Variants in DRC3 observed in about 807,000 individuals in gnomAD.
DRC3 encodes the protein dynein regulatory complex subunit 3.
In DRC3, 45 loss-of-function variants were observed where a neutral mutation model predicts 57.6. The ratio of observed to expected loss-of-function variants is 0.78; its 90% CI spans 0.62 to 1.00. DRC3 has a LOEUF of 1.00. Among genes scored for constraint, DRC3 ranks in the 50% least tolerant of loss-of-function variants. The probability of loss-of-function intolerance (pLI) is 0.00; values close to 1 mark genes in which losing one functional copy is unlikely to be tolerated. For missense variants in DRC3, 655 were observed against 675.2 expected (o/e 0.97, Z 0.33); for synonymous variants, 257 against 272.3 (o/e 0.94, Z 0.55).
Position 17,983,824 on chromosome 17 carries a change from T to A in DRC3, c.161-4T>A. The A allele has an allele frequency of 6.2e-7, 1 of 1,606,010 alleles. No homozygotes were observed. The highest frequency in any genetic ancestry group is 8.5e-7 in the Non-Finnish European group (1 of 1,173,242). On this transcript the variant is annotated splice_polypyrimidine_tract_variant and splice_region_variant and intron_variant, in intron 3 of 13. Transcript: ENST00000399187. ...GAGACTGAAATCACCTTCCATTATT[T>A]CAGACATCCTCCGCATAGACAACCT...
intron 2 of DRC3, among the ~76,000 whole-genome samples, chr17:17,976,709 A>C (rs933802166): frequency 6.6e-6 from 1 of 152,008 alleles, no homozygotes; most frequent in Admixed American, 6.6e-5. Context: ...AAAATAACCT[A>C]CTGGAGCTAG....
chr17:18,000,341 A>C (rs2043672612), intron 9 of DRC3, among the ~76,000 whole-genome samples: 1 of 130,644 alleles, frequency 7.7e-6, no homozygotes, highest in Non-Finnish European at 1.6e-5. Flanking sequence ...CCTGTTCTGT[A>C]CTTTGCTTTC....
intron 6 of DRC3, chr17:17,994,031 G>C: frequency 2.5e-6 from 1 of 392,808 alleles, no homozygotes. Context: ...CCCTGGAGAT[G>C]GCCCCGGGAA....
intron 10 of DRC3, chr17:18,005,933 T>C (rs1313288900): frequency 6.0e-6 from 3 of 497,992 alleles, no homozygotes; most frequent in African/African-American, 5.8e-5. Flanking sequence ...AGGACAAGTG[T>C]TCCTGGCAAA....
intron 4 of DRC3, among the ~76,000 whole-genome samples, chr17:17,986,302 A>ATGATGCTATCT (rs983242799): frequency 2.0e-5 from 3 of 152,178 alleles, no homozygotes; most frequent in African/African-American, 7.2e-5. Flanking sequence ...TAAAATGGGG[A>ATGATGCTATCT]TGATGCTATC....
intron 3 of DRC3, chr17:17,981,332 A>ATC (rs2042673708): frequency 8.3e-6 from 2 of 241,852 alleles, no homozygotes; most frequent in Non-Finnish European, 1.9e-5. Flanking sequence ...CAGACGGGAC[A>ATC]GCCTCTCATG....
intron 11 of DRC3, 80 bp downstream of exon 11, chr17:18,006,333 T>C: frequency 2.9e-6 from 3 of 1,048,302 alleles, no homozygotes; most frequent in Non-Finnish European, 4.4e-6. Context: ...GACAAAAGAA[T>C]GTTCCACAGG....
At chr17:17,979,920 T>C (rs1282739106) in intron 3 of DRC3, among the ~76,000 whole-genome samples, 2 of 149,656 alleles carry the variant, frequency 1.3e-5, no homozygotes, top group Non-Finnish European at 1.5e-5. Flanking sequence ...GGAGAGGCAC[T>C]ACGCAGCAAT....
At chr17:18,009,617 C>G (rs2044100447) in intron 12 of DRC3, among the ~76,000 whole-genome samples, 1 of 152,142 alleles carries the variant, frequency 6.6e-6, no homozygotes, top group East Asian at 1.9e-4. Flanking sequence ...CAGCTTATAA[C>G]AGATAGGGTT....
chr17:17,979,539 G>A (rs1466801951), intron 3 of DRC3, among the ~76,000 whole-genome samples: 1 of 152,176 alleles, frequency 6.6e-6, no homozygotes, highest in Non-Finnish European at 1.5e-5. Context: ...GGCTTTTTTT[G>A]GCAGTCCTGT....
At chr17:17,987,146 T>G (rs2042997274) in intron 4 of DRC3, among the ~76,000 whole-genome samples, 1 of 129,120 alleles carries the variant, frequency 7.7e-6, no homozygotes, top group Non-Finnish European at 1.5e-5. Context: ...ACCCAGGAGG[T>G]CAAGGATGCA....
chr17:17,986,397 C>T (rs2042957750), intron 4 of DRC3, among the ~76,000 whole-genome samples: 1 of 151,478 alleles, frequency 6.6e-6, no homozygotes, highest in African/African-American at 2.4e-5. Flanking sequence ...TCAATGTCAA[C>T]AGGTGAGCAT....
intron 12 of DRC3, chr17:18,011,703 C>A: frequency 4.8e-6 from 1 of 208,846 alleles, no homozygotes; most frequent in East Asian, 1.1e-4. Context: ...GCTACCTGCC[C>A]CCTGACCTCT....
At chr17:17,987,245 G>T in intron 4 of DRC3, among the ~76,000 whole-genome samples, 1 of 148,196 alleles carries the variant, frequency 6.7e-6, no homozygotes, top group African/African-American at 2.5e-5. Flanking sequence ...AAAAAGGAAG[G>T]TACTTTTATT....
chr17:17,993,270 G>C (rs1247167932), intron 6 of DRC3: 3 of 191,114 alleles, frequency 1.6e-5, no homozygotes, highest in East Asian at 1.4e-4. Context: ...AGGATCGCTT[G>C]AGCCAAGGAG....
chr17:17,980,949 A>G (rs141513078), intron 3 of DRC3, among the ~76,000 whole-genome samples: 1 of 152,244 alleles, frequency 6.6e-6, no homozygotes, highest in Non-Finnish European at 1.5e-5. Flanking sequence ...TATTGAAAAC[A>G]TTATATTTCA....
At chr17:18,000,544 T>C (rs530900542) in intron 9 of DRC3, among the ~76,000 whole-genome samples, 1 of 152,356 alleles carries the variant, frequency 6.6e-6, no homozygotes, top group East Asian at 1.9e-4. Flanking sequence ...TTAGGTTTTT[T>C]CCCAACCTTT....
chr17:18,007,665 A>G lies in DRC3; in HGVS notation c.1326+518A>G, dbSNP rs1484798312. On this transcript the variant is annotated intron_variant, in intron 12 of 13. Transcript: ENST00000399187. ...CTCCATCCCTGGGGTCTGCACGCTA[A>G]GAAGGCTCTCCCGGATGTCTGCGCT... 5 of 1,359,812 alleles carry G rather than the reference A, an allele frequency of 3.7e-6. No homozygotes were observed. The Admixed American group carries it at 1.2e-4, about 34-fold the overall frequency. The allele number at this position is 1,359,812 out of a possible 1,614,324, so 84.2% of individuals were successfully genotyped here. A position where few individuals can be genotyped will look rare whatever the true frequency, so the allele number is the denominator to read the frequency against.
intron 9 of DRC3, among the ~76,000 whole-genome samples, chr17:17,999,561 T>C (rs1694375521): frequency 1.3e-5 from 2 of 152,192 alleles, no homozygotes; most frequent in African/African-American, 4.8e-5. Context: ...GCCTCATCCA[T>C]TGCACACAGT....
Sources: gnomAD v4.1 joint callset for allele counts (sites outside exome capture counted in the v4.1 genomes callset) on GRCh38, gnomAD v4.1.1 for gene constraint, MANE v1.5 for transcripts, NCBI Gene and HGNC (gene_info 2026-07-23, HGNC 2026-07-21) for gene names.